Variants in GBP2 observed in about 807,000 individuals in gnomAD.
GBP2 encodes the protein guanylate binding protein 2.
GBP2 carries 54 observed loss-of-function variants against 60.8 expected under a neutral mutation model. The observed-to-expected ratio is 0.89, with a 90% CI of 0.71 to 1.11. The LOEUF (loss-of-function observed/expected upper bound fraction) is 1.11, where lower values mean the gene tolerates loss of function less well. Ranked by LOEUF, GBP2 falls within the 50% of genes most tolerant of loss-of-function variation. The pLI is 0.00. For missense variants in GBP2, 665 were observed against 703.3 expected (o/e 0.95, Z 0.62); for synonymous variants, 243 against 256.5 (o/e 0.95, Z 0.50).
chr1:89,124,438 T>G (rs936837465), intron 1 of GBP2, among the ~76,000 whole-genome samples: 17 of 152,232 alleles, frequency 1.1e-4, no homozygotes, highest in African/African-American at 4.1e-4. Context: ...AAATTTTCTT[T>G]GGAAACTTTT....
rs1203838634 is a variant in GBP2, at chr1:89,117,145, G to GC, written c.714dup (p.Pro239AlafsTer4). On this transcript the variant is annotated frameshift_variant, in exon 6 of 11. Coordinates refer to ENST00000370466, the MANE Select transcript of GBP2 (RefSeq NM_004120.5). LOFTEE classifies it high-confidence loss of function. ...TGAGCAAGGTACTTCTTAGGAGCGG[G>GC]CCAATCGAAGACGAAGCACTTCCTC... 1 of 1,613,998 alleles carries GC rather than the reference G, an allele frequency of 6.2e-7. No individual in the cohort carries two copies. The highest frequency in any genetic ancestry group is 2.2e-5 in the East Asian group (1 of 44,886).
intron 8 of GBP2, among the ~76,000 whole-genome samples, chr1:89,111,201 T>C (rs943985399): frequency 6.6e-6 from 1 of 152,186 alleles, no homozygotes; most frequent in Non-Finnish European, 1.5e-5. Flanking sequence ...ATTATCATAC[T>C]GAATGGGAAG....
chr1:89,111,086 T>G lies in GBP2; in HGVS notation c.1363-820A>C, dbSNP rs182595440. On this transcript the variant is annotated intron_variant, in intron 8 of 10. Transcript: ENST00000370466. ...CATTTCAATTCAAGCTGAAAAAACA[T>G]TTGATAAAATTCAATATCCCTTCAT... Among the ~76,000 whole-genome samples the G allele has an allele frequency of 4.6e-4, 70 of 152,252 alleles. 3 individuals are homozygous for G. The highest frequency in any genetic ancestry group is 4.4e-3 in the Admixed American group (67 of 15,276).
At position 89,117,791 on chromosome 1, in the gene GBP2, G is replaced by A; in HGVS notation, c.429-18C>T. Reference sequence around the variant, plus strand: ...TCACATAGCTGAGATGCTAAATTAAGAAAACTACAGAAAATGCCACTCTTT... The same window carrying A: ...TCACATAGCTGAGATGCTAAATTAAAAAAACTACAGAAAATGCCACTCTTT... On this transcript the variant is annotated intron_variant, in intron 4 of 10. Transcript: ENST00000370466. The A allele has an allele frequency of 6.4e-7, 1 of 1,568,556 alleles. No homozygotes were observed. The highest frequency in any genetic ancestry group is 1.2e-5 in the South Asian group (1 of 85,520).
chr1:89,123,210 C>T lies in GBP2; in HGVS notation c.-17-1227G>A, dbSNP rs143772540. Among the ~76,000 whole-genome samples, 10 of 152,270 alleles carry T rather than the reference C, an allele frequency of 6.6e-5. No homozygotes were observed. In the East Asian group the frequency reaches 1.7e-3, roughly 26 times the overall value. On this transcript the variant is annotated intron_variant, in intron 1 of 10. Transcript: ENST00000370466. Reference sequence around the variant, plus strand: ...CAGCCTTAGAATCGACCATTTCTCCCAAGGGCTCTGGTTGCTTTCATTGGA... The same window carrying T: ...CAGCCTTAGAATCGACCATTTCTCCTAAGGGCTCTGGTTGCTTTCATTGGA...
chr1:89,108,106 T>C lies in GBP2; in HGVS notation c.*69A>G, dbSNP rs1295651586. ...GTTTAATGGCAGTTGTTTGACACTCTGAAGTTGCTCATTCATGTTGTTTCT... is the reference window on the plus strand; with the variant it reads ...GTTTAATGGCAGTTGTTTGACACTCCGAAGTTGCTCATTCATGTTGTTTCT... On this transcript the variant is annotated 3_prime_UTR_variant, in exon 11 of 11. Coordinates refer to ENST00000370466, the MANE Select transcript of GBP2 (RefSeq NM_004120.5). 1 of 795,702 alleles carries C rather than the reference T, an allele frequency of 1.3e-6. No individual in the cohort carries two copies. Among genetic ancestry groups the C allele is most frequent in the African/African-American group, 1.7e-5 (1 of 58,056 alleles). The allele number at this position is 795,702 out of a possible 1,614,324, so 49.3% of individuals were successfully genotyped here.
chr1:89,117,253 GA>G lies in GBP2; in HGVS notation c.626-20del, dbSNP rs774976541. On this transcript the variant is annotated intron_variant, in intron 5 of 10. Transcript: ENST00000370466. Reference sequence around the variant, plus strand: ...TCAGTACCTACAGGAATGAAAATTAGAAGTAGTAAAACTTCAAATTAATTAC... The same window carrying G: ...TCAGTACCTACAGGAATGAAAATTAGAGTAGTAAAACTTCAAATTAATTAC... The G allele has an allele frequency of 6.3e-7, 1 of 1,595,648 alleles. No homozygotes were observed. Among genetic ancestry groups the G allele is most frequent in the South Asian group, 1.1e-5 (1 of 90,290 alleles).
In GBP2 at chr1:89,107,395, A is replaced by G. The variant is rs1046840785; in HGVS notation, c.*780T>C. Among the ~76,000 whole-genome samples the G allele has an allele frequency of 1.1e-4, 16 of 152,192 alleles. No individual in the cohort carries two copies. Among genetic ancestry groups the G allele is most frequent in the Non-Finnish European group, 2.9e-5 (2 of 68,020 alleles). ...TCTGTGATTGTAGAAGTTATTTTCT[A>G]AACTTCAGGAAAGAGAAAAGACTAA... On this transcript the variant is annotated 3_prime_UTR_variant, in exon 11 of 11. Transcript: ENST00000370466.
chr1:89,110,925 A>G (rs1681153340), intron 8 of GBP2, among the ~76,000 whole-genome samples: 2 of 152,198 alleles, frequency 1.3e-5, no homozygotes, highest in African/African-American at 2.4e-5. Flanking sequence ...CTAGCAAACC[A>G]AATTCAACAA....
chr1:89,108,665 T>C (rs1354595701), intron 10 of GBP2, among the ~76,000 whole-genome samples: 1 of 152,172 alleles, frequency 6.6e-6, no homozygotes, highest in African/African-American at 2.4e-5. Flanking sequence ...GATTTCCAAT[T>C]GGTAGGTTAC....
chr1:89,116,230 C>T (rs896668649), intron 6 of GBP2, among the ~76,000 whole-genome samples: 2 of 152,056 alleles, frequency 1.3e-5, no homozygotes, highest in African/African-American at 4.8e-5. Flanking sequence ...CCAGGCTGGT[C>T]TCAAACTCCT....
chr1:89,114,716 T>C (rs1681234116), intron 6 of GBP2, among the ~76,000 whole-genome samples: 2 of 152,338 alleles, frequency 1.3e-5, no homozygotes, highest in African/African-American at 2.4e-5. Flanking sequence ...TATGTCTTCT[T>C]AGATATTCTC....
In GBP2 at chr1:89,112,530, G is replaced by T; in HGVS notation, c.1304C>A (p.Thr435Asn). 6.2e-7 allele frequency: 1 copy of T among 1,614,172 alleles called. No homozygotes were observed. Residue 435 changes from threonine (T) to asparagine (N), a missense_variant, in exon 8 of 11, where the codon ACT becomes AAT. Thr to Asn is a moderately conservative substitution (Grantham distance 65, BLOSUM62 0). Coordinates refer to ENST00000370466, the MANE Select transcript of GBP2 (RefSeq NM_004120.5). ...FSKPGGYRLF[T>N]QKLQELKNKY... ...ATTCTTCAGCTCCTGCAGCTTCTGA[G>T]TAAAGAGACGGTAACCTCCTGGTTT...
intron 10 of GBP2, among the ~76,000 whole-genome samples, chr1:89,108,889 G>A (rs1426457086): frequency 1.7e-5 from 2 of 120,236 alleles, no homozygotes; most frequent in Non-Finnish European, 3.3e-5. Flanking sequence ...TAGATGGTTA[G>A]GGAATCTTTC....
rs1256867043 is a variant in GBP2, at chr1:89,117,632, A to T, written c.570T>A (p.Asp190Glu). The T allele has an allele frequency of 5.6e-6, 9 of 1,614,128 alleles. No homozygotes were observed. The highest frequency in any genetic ancestry group is 6.8e-6 in the Non-Finnish European group (8 of 1,179,988). Residue 190 changes from aspartate to glutamate, a missense_variant, in exon 5 of 11, where the codon GAT becomes GAA. Coordinates refer to ENST00000370466, the MANE Select transcript of GBP2 (RefSeq NM_004120.5). ...LRDFTLELEV[D>E]GEPITADDYL... ...AGTCATCAGCAGTGATGGGTTCTCC[A>T]TCTACTTCCAGTTCCAGGGTGAAAT...
chr1:89,124,966 C>T (rs575741847), intron 1 of GBP2, among the ~76,000 whole-genome samples: 2 of 152,266 alleles, frequency 1.3e-5, no homozygotes, highest in South Asian at 2.1e-4. Context: ...TTTTTTCTGA[C>T]TTCTGCTTCA....
chr1:89,121,044 GA>G, intron 3 of GBP2, 98 bp downstream of exon 3: 1 of 800,142 alleles, frequency 1.2e-6, no homozygotes, highest in Non-Finnish European at 2.0e-6. Flanking sequence ...CTAAATCAAG[GA>G]GTAGGAGTGA....
rs770864852 is a variant in GBP2 at position 89,108,184 on chromosome 1, G to A, written c.1767C>T (p.Asn589=). The change falls in exon 11 of 11, where the codon AAC becomes AAT. Residue 589 remains asparagine, a synonymous_variant. Transcript: ENST00000370466. ...MRSKSLEPIC[N]IL ...TTTGCTCCTTGGACTTTTAGAGTAT[G>A]TTACATATTGGCTCCAATGATTTGC... 6.2e-7 allele frequency: 1 copy of A among 1,602,524 alleles called. No individual in the cohort carries two copies. The highest frequency in any genetic ancestry group is 1.3e-5 in the African/African-American group (1 of 74,812).
intron 4 of GBP2, 73 bp downstream of exon 4, chr1:89,120,106 C>T: frequency 9.5e-7 from 1 of 1,054,178 alleles, no homozygotes; most frequent in Non-Finnish European, 1.5e-6. Flanking sequence ...GTCTGTCTGC[C>T]TCTGTACTTG....
Sources: gnomAD v4.1 joint callset for allele counts (sites outside exome capture counted in the v4.1 genomes callset) on GRCh38, gnomAD v4.1.1 for gene constraint, MANE v1.5 for transcripts, NCBI Gene and HGNC (gene_info 2026-07-23, HGNC 2026-07-21) for gene names.